The following UGGT2 variants were observed in gnomAD, a reference collection of about 807,000 sequenced individuals.
UGGT2 encodes the protein UDP-glucose:glycoprotein glucosyltransferase 2.
UGGT2 carries 180 observed loss-of-function variants against 192.1 expected under a neutral mutation model. That is an observed-to-expected ratio of 0.94 (90% CI 0.83 to 1.06). The LOEUF is 1.06. Among genes scored for constraint, UGGT2 ranks in the 50% least tolerant of loss-of-function variants. UGGT2 has a pLI of 0.00. For missense variants in UGGT2, 1,849 were observed against 1,795.7 expected, an observed-to-expected ratio of 1.03 and a Z score of -0.54; for synonymous variants, 580 against 591.0, an observed-to-expected ratio of 0.98 and a Z score of 0.27.
intron 20 of UGGT2, among the ~76,000 whole-genome samples, chr13:95,924,131 GAT>G (rs1457161620): frequency 9.9e-5 from 15 of 152,080 alleles, no homozygotes; most frequent in African/African-American, 3.4e-4. Context: ...TGGTTCTAAT[GAT>G]ACTTGGGTTT....
chr13:95,894,776 G>A (rs2047899939), intron 23 of UGGT2, 119 bp from the exon 24 acceptor site: 7 of 763,178 alleles, frequency 9.2e-6, no homozygotes, highest in Non-Finnish European at 2.1e-6. Context: ...TACCAAAGTA[G>A]ACTGCAAAGG....
intron 38 of UGGT2, among the ~76,000 whole-genome samples, chr13:95,814,622 C>T (rs1182459993): frequency 6.6e-6 from 1 of 152,156 alleles, no homozygotes; most frequent in Non-Finnish European, 1.5e-5. Context: ...TTATAAAATA[C>T]AATCATGCCT....
At chr13:95,857,376 A>C (rs182332516) in intron 33 of UGGT2, among the ~76,000 whole-genome samples, 1 of 152,278 alleles carries the variant, frequency 6.6e-6, no homozygotes, top group East Asian at 1.9e-4. Flanking sequence ...TATGACCTTC[A>C]TGAGGCTTGT....
intron 11 of UGGT2, 89 bp downstream of exon 11, chr13:95,972,491 A>C: frequency 8.6e-7 from 1 of 1,162,328 alleles, no homozygotes; most frequent in Non-Finnish European, 1.2e-6. Flanking sequence ...CTTTAAAGTG[A>C]TCTTCATATT....
At chr13:95,877,235 A>T in intron 29 of UGGT2, 44 bp downstream of exon 29, 1 of 1,427,914 alleles carries the variant, frequency 7.0e-7, no homozygotes, top group Non-Finnish European at 9.5e-7. Context: ...TACACTAAAA[A>T]CGTATTTATG....
chr13:95,828,364 A>G (rs1337356800), intron 38 of UGGT2, among the ~76,000 whole-genome samples: 1 of 152,198 alleles, frequency 6.6e-6, no homozygotes, highest in Non-Finnish European at 1.5e-5. Context: ...ACCCTTCAAA[A>G]AATCAATGAA....
chr13:95,892,979 G>A (rs2047843706), intron 24 of UGGT2, among the ~76,000 whole-genome samples: 1 of 152,074 alleles, frequency 6.6e-6, no homozygotes, highest in African/African-American at 2.4e-5. Context: ...TGCTATTTTT[G>A]CCTTTGTCTA....
intron 15 of UGGT2, among the ~76,000 whole-genome samples, chr13:95,944,915 G>T (rs918603888): frequency 6.6e-6 from 1 of 151,710 alleles, no homozygotes; most frequent in Non-Finnish European, 1.5e-5. Context: ...TACTATTATA[G>T]TGAAACTGTC....
At chr13:95,823,708 C>T (rs1833998675) in intron 38 of UGGT2, among the ~76,000 whole-genome samples, 1 of 151,986 alleles carries the variant, frequency 6.6e-6, no homozygotes, top group African/African-American at 2.4e-5. Flanking sequence ...TTTTTAAATT[C>T]ATTCTGCCAT....
chr13:95,849,261 G>A (rs1888774806), intron 36 of UGGT2, among the ~76,000 whole-genome samples: 1 of 152,074 alleles, frequency 6.6e-6, no homozygotes, highest in African/African-American at 2.4e-5. Context: ...TTATGGCCAG[G>A]CACAGTGGTT....
chr13:95,880,002 ATC>A (rs2047448370), intron 27 of UGGT2, among the ~76,000 whole-genome samples: 1 of 152,142 alleles, frequency 6.6e-6, no homozygotes, highest in African/African-American at 2.4e-5. Context: ...TCAACCTGCC[ATC>A]TACATTAGGT....
intron 12 of UGGT2, among the ~76,000 whole-genome samples, chr13:95,967,059 G>C (rs542382767): frequency 6.6e-5 from 10 of 151,988 alleles, no homozygotes; most frequent in Admixed American, 6.5e-4. Flanking sequence ...TGGCCACAAA[G>C]CTTTTTTTCC....
intron 38 of UGGT2, among the ~76,000 whole-genome samples, chr13:95,806,133 G>A (rs750694822): frequency 1.1e-4 from 16 of 150,226 alleles, no homozygotes; most frequent in Non-Finnish European, 1.8e-4. Context: ...TTTATGGGAT[G>A]CAATAAAAAA....
chr13:95,856,125 C>A (rs764085680), intron 34 of UGGT2, 33 bp downstream of exon 34: 1 of 1,530,178 alleles, frequency 6.5e-7, no homozygotes, highest in Non-Finnish European at 8.9e-7. Context: ...AAAATGTTTG[C>A]GTATTACTAA....
At position 95,895,231 on chromosome 13, in the gene UGGT2, A is replaced by G; in HGVS notation, c.2708T>C (p.Leu903Ser). The G allele has an allele frequency of 1.3e-6, 2 of 1,580,904 alleles. No homozygotes were observed. Among genetic ancestry groups the G allele is most frequent in the Non-Finnish European group, 1.7e-6 (2 of 1,166,206 alleles). ...YLLEKITFSN[L>S]GEKIKGIVEN... The stretch of plus-strand genomic sequence containing the variant: ...AACAATGCCTTTAATTTTCTCTCCT[A>G]AATTACTAAATGTTATCTTTTCCAA... The change falls in exon 23 of 39, where the codon TTA (leucine) becomes TCA (serine). Residue 903 changes from leucine (L) to serine (S), a missense_variant. Transcript: ENST00000376747.
intron 17 of UGGT2, among the ~76,000 whole-genome samples, chr13:95,929,371 T>C (rs2049162693): frequency 6.6e-6 from 1 of 152,202 alleles, no homozygotes; most frequent in Non-Finnish European, 1.5e-5. Flanking sequence ...AATGCTGAAG[T>C]TGGGGTTATG....
intron 12 of UGGT2, among the ~76,000 whole-genome samples, chr13:95,965,534 T>C (rs776110880): frequency 2.0e-4 from 28 of 138,116 alleles, no homozygotes; most frequent in Non-Finnish European, 1.7e-4. Context: ...TAGGTGGGAA[T>C]TGAACAATGA....
In UGGT2 at chr13:96,031,942, T is replaced by G; in HGVS notation, c.188A>C (p.Lys63Thr). 1.2e-6 allele frequency: 2 copies of G among 1,611,194 alleles called. No individual in the cohort carries two copies. The highest frequency in any genetic ancestry group is 1.7e-6 in the Non-Finnish European group (2 of 1,178,724). ...SEFMAEESNE[K>T]FWQFLETVQE... ...CACAGTTTCCAAAAACTGCCAAAAT[T>G]TTTCATTACTTTCTTCTGCCATAAA... Residue 63 changes from lysine (K) to threonine (T), a missense_variant, in exon 2 of 39, where the codon AAA becomes ACA. By Grantham distance (78) the Lys-to-Thr change is moderately conservative. Coordinates refer to ENST00000376747, the MANE Select transcript of UGGT2 (RefSeq NM_020121.4).
intron 36 of UGGT2, among the ~76,000 whole-genome samples, chr13:95,847,394 G>A (rs1220996516): frequency 6.6e-6 from 1 of 152,146 alleles, no homozygotes; most frequent in Non-Finnish European, 1.5e-5. Context: ...ATAATGACAT[G>A]TATCTACCAC....
Sources: allele counts gnomAD v4.1 joint callset (sites outside exome capture counted in the v4.1 genomes callset), GRCh38; gene constraint gnomAD v4.1.1; transcripts MANE v1.5; gene names NCBI Gene and HGNC (gene_info 2026-07-23, HGNC 2026-07-21).